SASH1: variants seen among roughly 807,000 people sequenced by gnomAD.
SASH1 encodes the protein SAM and SH3 domain containing 1, also known as SAM and SH3 domain-containing protein 1.
Under a neutral mutation model 125.2 loss-of-function variants are expected in SASH1, and 44 were observed. The ratio of observed to expected loss-of-function variants is 0.35; its 90% CI spans 0.28 to 0.45. The LOEUF (loss-of-function observed/expected upper bound fraction) is 0.45, where lower values mean the gene tolerates loss of function less well. Ranked by LOEUF, SASH1 falls within the 20% of genes least tolerant of loss-of-function variation. SASH1 has a pLI of 1.00. For synonymous variants in SASH1, 639 were observed against 649.1 expected, an observed-to-expected ratio of 0.98 and a Z score of 0.24; for missense variants, 1,426 against 1,614.5, an observed-to-expected ratio of 0.88 and a Z score of 2.00.
the SASH1 span, among the ~76,000 whole-genome samples, chr6:148,211,745 T>G: frequency 6.6e-6 from 1 of 152,154 alleles, no homozygotes; most frequent in African/African-American, 2.4e-5. Flanking sequence ...ATCATGCTCT[T>G]TCCACTACAC....
intron 1 of SASH1, among the ~76,000 whole-genome samples, chr6:148,360,353 T>G (rs1168151437): frequency 6.6e-6 from 1 of 151,422 alleles, no homozygotes; most frequent in Non-Finnish European, 1.5e-5. Context: ...CTTTGTTTTT[T>G]TTTTTTTTTT....
At chr6:148,238,660 A>T in the SASH1 span, among the ~76,000 whole-genome samples, 1 of 128,902 alleles carries the variant, frequency 7.8e-6, no homozygotes, top group Non-Finnish European at 1.7e-5. Flanking sequence ...ACACACACAC[A>T]CATCCCAAAT....
At chr6:148,537,642 CAGAAAGTCCTG>C (rs1249032278) in intron 16 of SASH1, among the ~76,000 whole-genome samples, 3 of 152,176 alleles carry the variant, frequency 2.0e-5, no homozygotes, top group Admixed American at 6.5e-5. Flanking sequence ...TGTAAGCCCA[CAGAAAGTCCTG>C]CTTTCAAAGA....
chr6:148,469,185 A>G (rs59829244), intron 5 of SASH1: 13,646 of 152,314 alleles, frequency 0.09, 782 homozygotes, highest in Non-Finnish European at 0.13. Context: ...TGGCTGCCTG[A>G]CTTTGAATAT....
Position 148,533,781 on chromosome 6 carries a change from T to C in SASH1, c.1745T>C (p.Ile582Thr), listed in dbSNP as rs1481849087. 5.0e-6 allele frequency: 8 copies of C among 1,612,762 alleles called. No homozygotes were observed. Among genetic ancestry groups the C allele is most frequent in the Non-Finnish European group, 6.8e-6 (8 of 1,179,640 alleles). The change falls in exon 15 of 20, where the codon ATC becomes ACC. Residue 582 changes from isoleucine (I) to threonine (T), a missense_variant. Transcript: ENST00000367467. The surrounding 1 kb of genome is among the most constrained non-coding windows in gnomAD (Gnocchi z 6.2). ...CTCCCTGGGCCACAGAAAGGAGATA[T>C]CATCGATATAATCAGCAAGCCACCC... The part of the protein sequence containing the change: ...TDSLKLKKGD[I>T]IDIISKPPMG...
chr6:148,511,066 A>C (rs1204780811), intron 8 of SASH1, among the ~76,000 whole-genome samples: 1 of 152,172 alleles, frequency 6.6e-6, no homozygotes, highest in African/African-American at 2.4e-5. Flanking sequence ...ATACTTAAAA[A>C]GAGAAATATG....
Position 148,364,277 on chromosome 6 carries a change from C to T in SASH1, c.156+21054C>T, listed in dbSNP as rs73601392. Among the ~76,000 whole-genome samples, 1,071 of 152,090 alleles carry T rather than the reference C, an allele frequency of 7.0e-3. 12 individuals are homozygous for T. Among genetic ancestry groups the T allele is most frequent in the African/African-American group, 0.025 (1,029 of 41,454 alleles). ...AAAAGGAAAGTTTTCACGTTGAGAT[C>T]GAGAAGGAAGATGATTCATGGTCAC... On this transcript the variant is annotated intron_variant, in intron 1 of 19. Transcript: ENST00000367467.
chr6:148,256,355 G>C, the SASH1 span, among the ~76,000 whole-genome samples: 1 of 152,100 alleles, frequency 6.6e-6, no homozygotes, highest in Non-Finnish European at 1.5e-5. Context: ...TTTATAAAGT[G>C]CTTTAATTTA....
At chr6:148,273,296 C>CTTTT (rs758727802) in intron 1 of SASH1, among the ~76,000 whole-genome samples, 11 of 134,674 alleles carry the variant, frequency 8.2e-5, no homozygotes, top group East Asian at 4.3e-4. Context: ...TTCTTTCTTT[C>CTTTT]TTTTTTTTTT....
chr6:148,328,320 C>T (rs78154906), intron 1 of SASH1, among the ~76,000 whole-genome samples: 11,839 of 152,132 alleles, frequency 0.078, 711 homozygotes, highest in East Asian at 0.32. Context: ...ATAGTGAGGC[C>T]GGGCGCGGTG....
At chr6:148,224,921 C>T in the SASH1 span, among the ~76,000 whole-genome samples, 289 of 152,248 alleles carry the variant, frequency 1.9e-3, 4 homozygotes, top group Non-Finnish European at 3.7e-3. Flanking sequence ...AAAATCTGGG[C>T]CTTTGTATAG....
the SASH1 span, among the ~76,000 whole-genome samples, chr6:148,207,770 A>G: frequency 2.0e-5 from 3 of 152,190 alleles, no homozygotes; most frequent in Non-Finnish European, 2.9e-5. Context: ...CTTTTAAAAC[A>G]TTTGTGAGTC....
At chr6:148,282,729 A>G (rs1399735517) in intron 1 of SASH1, among the ~76,000 whole-genome samples, 1 of 145,976 alleles carries the variant, frequency 6.9e-6, no homozygotes. Flanking sequence ...TCAAACTGTC[A>G]GAGGAACCGA....
At position 148,378,267 on chromosome 6, in the gene SASH1, T is replaced by C. The variant is rs1171272012; in HGVS notation, c.157-11867T>C. ...CGGGGTTTCACCATGTTGGCCAGGC[T>C]AGTCTCAAACTCCCAACTTCAGGTG... On this transcript the variant is annotated intron_variant, in intron 1 of 19. Transcript: ENST00000367467. 2.6e-5 allele frequency among the ~76,000 whole-genome samples: 4 copies of C among 151,996 alleles called. No individual in the cohort carries two copies. The East Asian group carries it at 7.7e-4, about 29-fold the overall frequency.
chr6:148,257,436 G>A, the SASH1 span, among the ~76,000 whole-genome samples: 484 of 152,250 alleles, frequency 3.2e-3, 1 homozygote, highest in African/African-American at 0.011. Flanking sequence ...GAGAGTTCCC[G>A]AGGCCAGACC....
chr6:148,315,262 T>C (rs1436821468), intron 1 of SASH1, among the ~76,000 whole-genome samples: 2 of 152,212 alleles, frequency 1.3e-5, no homozygotes, highest in Non-Finnish European at 2.9e-5. Flanking sequence ...AAGTAGCTAA[T>C]ATGTTTTTAT....
chr6:148,245,724 G>A, the SASH1 span, among the ~76,000 whole-genome samples: 20 of 152,022 alleles, frequency 1.3e-4, no homozygotes, highest in Non-Finnish European at 2.4e-4. Flanking sequence ...GCGGTGGCTC[G>A]TGGCTGTAAT....
At chr6:148,491,274 T>C (rs1361732311) in intron 8 of SASH1, among the ~76,000 whole-genome samples, 2 of 152,156 alleles carry the variant, frequency 1.3e-5, no homozygotes, top group Admixed American at 6.5e-5. Flanking sequence ...TCATTCTTTT[T>C]TGTTGTTGTT....
chr6:148,283,673 C>G (rs1779406203), intron 1 of SASH1, among the ~76,000 whole-genome samples: 1 of 151,988 alleles, frequency 6.6e-6, no homozygotes, highest in East Asian at 1.9e-4. Flanking sequence ...ATTTGGGAGG[C>G]TGAGGCAGGA....
Sources: gnomAD v4.1 joint callset for allele counts (sites outside exome capture counted in the v4.1 genomes callset) on GRCh38, gnomAD v4.1.1 for gene constraint, Gnocchi (gnomAD v3.1) non-coding constraint, MANE v1.5 for transcripts, NCBI Gene and HGNC (gene_info 2026-07-23, HGNC 2026-07-21) for gene names.